FER: variants seen among roughly 807,000 people sequenced by gnomAD.
FER encodes the protein FER tyrosine kinase.
In FER, 63 loss-of-function variants were observed where a neutral mutation model predicts 111.0. The ratio of observed to expected loss-of-function variants is 0.57; its 90% CI spans 0.46 to 0.70. The LOEUF (loss-of-function observed/expected upper bound fraction) is 0.70. Among genes scored for constraint, FER ranks in the 30% least tolerant of loss-of-function variants. The pLI is 0.00. For synonymous variants in FER, 327 were observed against 313.9 expected (o/e 1.04, Z -0.44); for missense variants, 914 against 954.0 (o/e 0.96, Z 0.55).
rs554750498 is a variant in FER, at chr5:108,804,442, G to A, written c.207+6053G>A. On this transcript the variant is annotated intron_variant, in intron 3 of 19. Coordinates refer to ENST00000281092, the MANE Select transcript of FER (RefSeq NM_005246.4). The stretch of plus-strand genomic sequence containing the variant: ...AAGGGGAATAGCTCAAGCATTTGCC[G>A]TTCAGTATGATGTGGGCTGTGTGTT... 9.9e-5 allele frequency among the ~76,000 whole-genome samples: 15 copies of A among 152,190 alleles called. No individual in the cohort carries two copies. In the South Asian group the frequency reaches 1.0e-3, roughly 11 times the overall value.
chr5:109,146,340 G>A (rs1224909973), intron 17 of FER, among the ~76,000 whole-genome samples: 2 of 132,238 alleles, frequency 1.5e-5, no homozygotes, highest in East Asian at 4.3e-4. Context: ...CCAGTGAAGT[G>A]GAGAACCAGG....
At chr5:109,024,622 C>T (rs973612850) in intron 13 of FER, among the ~76,000 whole-genome samples, 1 of 152,164 alleles carries the variant, frequency 6.6e-6, no homozygotes, top group African/African-American at 2.4e-5. Flanking sequence ...CCAGGAGTCT[C>T]ATCTTTTTTG....
intron 16 of FER, among the ~76,000 whole-genome samples, chr5:109,068,159 T>C (rs1775338628): frequency 6.6e-6 from 1 of 151,830 alleles, no homozygotes; most frequent in South Asian, 2.1e-4. Context: ...TCCCAAAGCA[T>C]TTAGGTCCAC....
chr5:109,068,029 T>G (rs924756552), intron 16 of FER, among the ~76,000 whole-genome samples: 1 of 152,214 alleles, frequency 6.6e-6, no homozygotes, highest in Non-Finnish European at 1.5e-5. Context: ...GAAAGTATTT[T>G]TTTTCTGATA....
At chr5:108,994,517 G>A (rs1013035642) in intron 13 of FER, among the ~76,000 whole-genome samples, 2 of 152,136 alleles carry the variant, frequency 1.3e-5, no homozygotes, top group Non-Finnish European at 2.9e-5. Context: ...GTGTAGTCTT[G>A]TAGTATAGTT....
chr5:108,824,696 T>C (rs1179167645), intron 3 of FER, among the ~76,000 whole-genome samples: 1 of 152,172 alleles, frequency 6.6e-6, no homozygotes. Flanking sequence ...ATGTTATTGA[T>C]CTTTATATGT....
At chr5:108,919,607 C>T (rs1752766603) in intron 10 of FER, among the ~76,000 whole-genome samples, 1 of 152,100 alleles carries the variant, frequency 6.6e-6, no homozygotes, top group African/African-American at 2.4e-5. Context: ...AGATATATAA[C>T]ATACTTTATT....
rs1248531276 is a variant in FER, at chr5:109,191,983, T to G, written c.*4408T>G. 6.6e-6 allele frequency: 1 copy of G among 152,164 alleles called. No homozygotes were observed. Among genetic ancestry groups the G allele is most frequent in the Non-Finnish European group, 1.5e-5 (1 of 68,022 alleles). The allele number at this position is 152,164 out of a possible 1,614,324, so 9.4% of individuals were successfully genotyped here. A position where few individuals can be genotyped will look rare whatever the true frequency, so the allele number is the denominator to read the frequency against. On this transcript the variant is annotated 3_prime_UTR_variant, in exon 20 of 20. Transcript: ENST00000281092. ...AAACTATACCTTAGCCATAATTCAA[T>G]TTAATGAAATACTACCCCATTAAAA... is the stretch of plus-strand genomic sequence containing the variant.
chr5:108,928,502 A>T, intron 10 of FER, among the ~76,000 whole-genome samples: 1 of 152,324 alleles, frequency 6.6e-6, no homozygotes, highest in East Asian at 1.9e-4. Flanking sequence ...AGAATAAAAT[A>T]AATATTGTAA....
chr5:108,796,144 GTGGTCT>G (rs1755991945), intron 2 of FER, among the ~76,000 whole-genome samples: 2 of 152,186 alleles, frequency 1.3e-5, no homozygotes, highest in African/African-American at 2.4e-5. Context: ...CACTGCCTTT[GTGGTCT>G]TGGATAAGAT....
intron 8 of FER, among the ~76,000 whole-genome samples, chr5:108,873,881 T>A (rs2150253726): frequency 6.6e-6 from 1 of 152,158 alleles, no homozygotes; most frequent in East Asian, 1.9e-4. Context: ...GCTGAGAGAC[T>A]CTGCTTTAAA....
At chr5:108,935,993 G>A (rs7735425) in intron 10 of FER, among the ~76,000 whole-genome samples, 19,257 of 152,070 alleles carry the variant, frequency 0.13, 1,278 homozygotes, top group Middle Eastern at 0.17. Context: ...TGAGGTCTGT[G>A]TCTTGCAAGA....
At chr5:108,894,924 T>A (rs1360324039) in intron 9 of FER, among the ~76,000 whole-genome samples, 1 of 152,082 alleles carries the variant, frequency 6.6e-6, no homozygotes, top group Admixed American at 6.6e-5. Flanking sequence ...ACGTGGGAAT[T>A]AGGGGGGCTA....
chr5:109,066,696 T>C (rs1775130498), intron 16 of FER, among the ~76,000 whole-genome samples: 1 of 152,186 alleles, frequency 6.6e-6, no homozygotes, highest in African/African-American at 2.4e-5. Flanking sequence ...TTTAAGACTT[T>C]CTATTCTTTA....
At chr5:108,781,958 G>A (rs746870321) in intron 2 of FER, among the ~76,000 whole-genome samples, 3 of 151,676 alleles carry the variant, frequency 2.0e-5, no homozygotes, top group Admixed American at 2.0e-4. Flanking sequence ...CATACTGTGA[G>A]AACCATATTG....
At chr5:109,071,410 AG>A (rs1775747057) in intron 16 of FER, among the ~76,000 whole-genome samples, 1 of 152,086 alleles carries the variant, frequency 6.6e-6, no homozygotes, top group Non-Finnish European at 1.5e-5. Flanking sequence ...ATATCACAGC[AG>A]GGGGTACATC....
chr5:108,894,478 G>A, intron 9 of FER: 5 of 398,338 alleles, frequency 1.3e-5, no homozygotes, highest in Non-Finnish European at 2.4e-5. Flanking sequence ...AACATGTGAG[G>A]ATATTTCTCA....
rs1749371069 is a variant in FER, at chr5:108,897,806, A to G, written c.1194A>G (p.Pro398=). ...VQENDGKEPP[P]VVNYEEDARS... ...AAAATGATGGGAAAGAGCCACCTCC[A>G]GTAGTAAATTATGAAGAAGATGCAC... The change falls in exon 10 of 20, where the codon CCA becomes CCG. Residue 398 remains proline (P), a synonymous_variant. Coordinates refer to ENST00000281092, the MANE Select transcript of FER (RefSeq NM_005246.4). 1 of 1,612,882 alleles carries G rather than the reference A, an allele frequency of 6.2e-7. No homozygotes were observed. Among genetic ancestry groups the G allele is most frequent in the Non-Finnish European group, 8.5e-7 (1 of 1,179,512 alleles).
chr5:108,756,156 C>CAAAA (rs11341627), intron 1 of FER, among the ~76,000 whole-genome samples: 1 of 121,674 alleles, frequency 8.2e-6, no homozygotes, highest in African/African-American at 3.0e-5. Context: ...AACTCCATCT[C>CAAAA]AAAAAAAAAA....
Sources: gnomAD v4.1 joint callset for allele counts (sites outside exome capture counted in the v4.1 genomes callset) on GRCh38, gnomAD v4.1.1 for gene constraint, MANE v1.5 for transcripts, NCBI Gene and HGNC (gene_info 2026-07-23, HGNC 2026-07-21) for gene names.